The following DOC2B variants were observed in gnomAD, a reference collection of about 807,000 sequenced individuals.
The protein encoded by DOC2B is double C2 domain beta, also known as double C2-like domain-containing protein beta.
Under a neutral mutation model 28.9 loss-of-function variants are expected in DOC2B, and 21 were observed. The observed-to-expected ratio is 0.73, with a 90% confidence interval of 0.52 to 1.05. The LOEUF is 1.05. Ranked by LOEUF, DOC2B falls within the 50% of genes least tolerant of loss-of-function variation. DOC2B has a pLI of 0.00. For synonymous variants in DOC2B, 194 were observed against 178.1 expected, an observed-to-expected ratio of 1.09 and a Z score of -0.71; for missense variants, 384 against 421.1, an observed-to-expected ratio of 0.91 and a Z score of 0.77.
intron 5 of DOC2B, among the ~76,000 whole-genome samples, chr17:158,555 C>T (rs555928479): frequency 1.3e-5 from 2 of 152,354 alleles, no homozygotes; most frequent in East Asian, 1.9e-4. Flanking sequence ...CATGGCTAAT[C>T]GATCCTAGCA....
At chr17:160,791 G>A (rs1040737224) in intron 5 of DOC2B, among the ~76,000 whole-genome samples, 4 of 152,132 alleles carry the variant, frequency 2.6e-5, no homozygotes, top group African/African-American at 9.7e-5. Context: ...GGAGCAGGCC[G>A]AGGGCAAATC....
At chr17:173,904 C>G (rs758454831) in intron 1 of DOC2B, among the ~76,000 whole-genome samples, 3 of 152,244 alleles carry the variant, frequency 2.0e-5, no homozygotes, top group Non-Finnish European at 4.4e-5. Flanking sequence ...TACGGCCACA[C>G]CTGACCAGGC....
At position 181,401 on chromosome 17, in the gene DOC2B, TG is replaced by T; in HGVS notation, c.78del (p.Ile27SerfsTer127). On this transcript the variant is annotated frameshift_variant, in exon 1 of 9. Transcript: ENST00000613549. LOFTEE classifies it high-confidence loss of function. The surrounding 1 kb of genome is among the most constrained non-coding windows in gnomAD (Gnocchi z 7.0). ...TCGGAGATCTGCTTGATGGGACGGA[TG>T]GGGCCGGGGCACACGTCGATGGCCA... ...EHMAIDVCPGPIRPIKQISDY... is the reference protein window; with the variant it reads ...EHMAIDVCPGXIRPIKQISDY... 1.7e-6 allele frequency: 2 copies of T among 1,169,240 alleles called. No individual in the cohort carries two copies. The highest frequency in any genetic ancestry group is 2.5e-5 in the South Asian group (1 of 39,402). The allele number at this position is 1,169,240 out of a possible 1,614,324, so 72.4% of individuals were successfully genotyped here. A position where few individuals can be genotyped will look rare whatever the true frequency, so the allele number is the denominator to read the frequency against.
At chr17:150,722 C>T (rs2040063355) in intron 6 of DOC2B, among the ~76,000 whole-genome samples, 2 of 152,174 alleles carry the variant, frequency 1.3e-5, no homozygotes, top group African/African-American at 4.8e-5. Context: ...CACACAAAAA[C>T]CTGTTCATTG....
rs2040012987 is a variant in DOC2B, at chr17:145,619, T to A, written c.*1822A>T. The A allele has an allele frequency of 1.3e-5, 2 of 152,396 alleles. No homozygotes were observed. Among genetic ancestry groups the A allele is most frequent in the Non-Finnish European group, 2.9e-5 (2 of 68,182 alleles). 9.4% of individuals were successfully genotyped at this position (152,396 alleles called of 1,614,324 possible). ...TGGGAAAGGCCTGATGGGCACTTGG[T>A]AGGATTCAAATCATAACCCTGGACC... On this transcript the variant is annotated 3_prime_UTR_variant, in exon 9 of 9. Transcript: ENST00000613549.
intron 5 of DOC2B, among the ~76,000 whole-genome samples, chr17:160,665 C>T (rs567463630): frequency 2.0e-4 from 30 of 152,110 alleles, no homozygotes; most frequent in Non-Finnish European, 4.0e-4. Flanking sequence ...CCCAGTGGCA[C>T]GGGGGACTCC....
At chr17:153,885 G>C (rs748912478) in intron 6 of DOC2B, among the ~76,000 whole-genome samples, 8 of 152,012 alleles carry the variant, frequency 5.3e-5, no homozygotes, top group Non-Finnish European at 1.0e-4. Flanking sequence ...AATTCCTCTA[G>C]TTCAAATTTA....
intron 1 of DOC2B, among the ~76,000 whole-genome samples, chr17:180,180 G>A (rs1231714153): frequency 1.3e-5 from 2 of 152,244 alleles, no homozygotes; most frequent in East Asian, 3.9e-4. Flanking sequence ...GCTAGGAGGG[G>A]GTTCTCACAT....
rs1346516127 is a variant in DOC2B, at chr17:146,073, TCTCA to T, written c.*1364_*1367del. 198 of 151,906 alleles carry T rather than the reference TCTCA, an allele frequency of 1.3e-3. No homozygotes were observed. Among genetic ancestry groups the T allele is most frequent in the African/African-American group, 4.5e-3 (185 of 41,400 alleles). The allele number at this position is 151,906 out of a possible 1,614,324, so 9.4% of individuals were successfully genotyped here. ...AGATACTCTCAAGCCTCCTGGGGAG[TCTCA>T]CTCAGGGGAGCAGACAGGCCCACCA... On this transcript the variant is annotated 3_prime_UTR_variant, in exon 9 of 9. Coordinates refer to ENST00000613549, the MANE Select transcript of DOC2B (RefSeq NM_003585.5).
chr17:166,461 G>T (rs180701844), intron 2 of DOC2B, among the ~76,000 whole-genome samples: 1 of 152,246 alleles, frequency 6.6e-6, no homozygotes, highest in Non-Finnish European at 1.5e-5. Flanking sequence ...ATGGTTTAGG[G>T]GTGGGCCTCA....
chr17:180,494 C>T (rs950093078), intron 1 of DOC2B, among the ~76,000 whole-genome samples: 12 of 152,142 alleles, frequency 7.9e-5, no homozygotes, highest in African/African-American at 2.9e-4. Flanking sequence ...CCATGGACAC[C>T]GGAGGAGGAA....
At chr17:157,423 C>G (rs6420494) in intron 5 of DOC2B, among the ~76,000 whole-genome samples, 116,936 of 152,106 alleles carry the variant, frequency 0.77, 45,874 homozygotes, top group East Asian at 0.86. Flanking sequence ...TTCCTCAGGG[C>G]TCTGCCCCAG....
In DOC2B at chr17:156,217, C is replaced by T. The variant is rs1555522456; in HGVS notation, c.923+3G>A. On this transcript the variant is annotated splice_donor_region_variant and intron_variant, in intron 6 of 8. Transcript: ENST00000613549. Reference sequence around the variant, plus strand: ...CAGGTGGTCACGCGCACGGCACACTCACGTTTTCACGTAGGGGTCCGAGTA... The same window carrying T: ...CAGGTGGTCACGCGCACGGCACACTTACGTTTTCACGTAGGGGTCCGAGTA... The T allele has an allele frequency of 6.5e-7, 1 of 1,547,608 alleles. No homozygotes were observed. Among genetic ancestry groups the T allele is most frequent in the South Asian group, 1.2e-5 (1 of 83,832 alleles).
intron 6 of DOC2B, among the ~76,000 whole-genome samples, chr17:152,300 T>A (rs968385295): frequency 1.3e-5 from 2 of 152,200 alleles, no homozygotes; most frequent in African/African-American, 2.4e-5. Context: ...GCTGAGCGCG[T>A]CACACGCAGC....
intron 7 of DOC2B, among the ~76,000 whole-genome samples, 156 bp downstream of exon 7, chr17:148,955 C>A (rs1162769701): frequency 6.6e-6 from 1 of 151,670 alleles, no homozygotes; most frequent in Non-Finnish European, 1.5e-5. Flanking sequence ...TTCCAGGGGT[C>A]CCCCAGCTCC....
chr17:148,424 C>T (rs1039267581), intron 7 of DOC2B, among the ~76,000 whole-genome samples, 155 bp from the exon 8 acceptor site: 12 of 152,212 alleles, frequency 7.9e-5, no homozygotes, highest in African/African-American at 2.9e-4. Context: ...GCCCACTTCC[C>T]CCTGAGCTCC....
intron 3 of DOC2B, chr17:163,818 T>A: frequency 2.8e-6 from 1 of 351,840 alleles, no homozygotes; most frequent in Admixed American, 4.0e-5. Context: ...TAATAGTAAC[T>A]TCCAGCTGAG....
intron 5 of DOC2B, among the ~76,000 whole-genome samples, chr17:160,530 G>C (rs376259907): frequency 1.3e-5 from 2 of 152,172 alleles, no homozygotes; most frequent in African/African-American, 2.4e-5. Flanking sequence ...ACAGCCGCCG[G>C]GCTCTGTCCT....
At chr17:151,066 G>A (rs2040067361) in intron 6 of DOC2B, among the ~76,000 whole-genome samples, 1 of 152,100 alleles carries the variant, frequency 6.6e-6, no homozygotes, top group South Asian at 2.1e-4. Flanking sequence ...GTGGAAACAA[G>A]ACTGTCCCAG....
Sources: gnomAD v4.1 joint callset for allele counts (sites outside exome capture counted in the v4.1 genomes callset) on GRCh38, gnomAD v4.1.1 for gene constraint, Gnocchi (gnomAD v3.1) non-coding constraint, MANE v1.5 for transcripts, NCBI Gene and HGNC (gene_info 2026-07-23, HGNC 2026-07-21) for gene names.